GMDS: variants seen among roughly 807,000 people sequenced by gnomAD.
The protein encoded by GMDS is GDP-mannose 4,6-dehydratase.
A neutral mutation model predicts 49.9 loss-of-function variants in GMDS; 20 were observed. That is an observed-to-expected ratio of 0.40 (90% confidence interval 0.28 to 0.58). The LOEUF is 0.58. Ranked by LOEUF, GMDS falls within the 20% of genes least tolerant of loss-of-function variation. The pLI is 0.42. For synonymous variants in GMDS, 177 were observed against 178.6 expected (o/e 0.99, Z 0.07); for missense variants, 362 against 481.4 (o/e 0.75, Z 2.32).
chr6:1,844,813 TA>T, intron 7 of GMDS, among the ~76,000 whole-genome samples: 1 of 152,352 alleles, frequency 6.6e-6, no homozygotes, highest in East Asian at 1.9e-4. Context: ...TATACTTTTA[TA>T]AATAGGTTAG....
intron 6 of GMDS, chr6:1,959,591 T>A (rs192249034): frequency 8.5e-6 from 2 of 235,928 alleles, no homozygotes; most frequent in East Asian, 1.7e-4. Context: ...AATACTCAGG[T>A]TGAAAACAAG....
At chr6:2,048,710 T>C (rs1770178350) in intron 4 of GMDS, among the ~76,000 whole-genome samples, 1 of 152,226 alleles carries the variant, frequency 6.6e-6, no homozygotes, top group African/African-American at 2.4e-5. Context: ...CTCTCAATAA[T>C]GTTTTTCTTC....
chr6:1,624,595 C>G lies in GMDS; in HGVS notation c.988-55G>C, dbSNP rs1581381805. ...GCGTGGGTCGTGGGGGTGGGGGCAGCAGGTCCCGAGCCCCGGGAACTCCCA... is the reference window on the plus strand; with the variant it reads ...GCGTGGGTCGTGGGGGTGGGGGCAGGAGGTCCCGAGCCCCGGGAACTCCCA... On this transcript the variant is annotated intron_variant, in intron 9 of 10. Coordinates refer to ENST00000380815, the MANE Select transcript of GMDS (RefSeq NM_001500.4). 3.9e-6 allele frequency: 5 copies of G among 1,271,106 alleles called. No individual in the cohort carries two copies. The African/African-American group carries it at 5.9e-5, about 15-fold the overall frequency. The allele number at this position is 1,271,106 out of a possible 1,614,324, so 78.7% of individuals were successfully genotyped here.
chr6:1,670,370 G>T (rs12193833), intron 9 of GMDS, among the ~76,000 whole-genome samples: 28,780 of 143,248 alleles, frequency 0.2, 3,134 homozygotes, highest in East Asian at 0.5. Context: ...GTTTTTTTTG[G>T]TTTTTTTTTT....
At chr6:1,665,972 A>T (rs1198520940) in intron 9 of GMDS, among the ~76,000 whole-genome samples, 4 of 152,178 alleles carry the variant, frequency 2.6e-5, no homozygotes, top group Non-Finnish European at 4.4e-5. Context: ...TGGAGACCGT[A>T]TTTTTAATTT....
At position 1,643,830 on chromosome 6, in the gene GMDS, T is replaced by A. The variant is rs1454939831; in HGVS notation, c.988-19290A>T. Reference sequence around the variant, plus strand: ...ATACCTCAATAAAATTGTTTAAAAATTAAAAAAAGTTGAAAGTCTCTTCCC... The same window carrying A: ...ATACCTCAATAAAATTGTTTAAAAAATAAAAAAAGTTGAAAGTCTCTTCCC... On this transcript the variant is annotated intron_variant, in intron 9 of 10. Coordinates refer to ENST00000380815, the MANE Select transcript of GMDS (RefSeq NM_001500.4). 2.6e-5 allele frequency among the ~76,000 whole-genome samples: 4 copies of A among 151,954 alleles called. No homozygotes were observed. In the East Asian group the frequency reaches 7.7e-4, roughly 29 times the overall value.
At chr6:1,748,347 C>T (rs1767595909) in intron 7 of GMDS, among the ~76,000 whole-genome samples, 1 of 152,126 alleles carries the variant, frequency 6.6e-6, no homozygotes, top group Non-Finnish European at 1.5e-5. Context: ...ATCAATTATG[C>T]ATATATCTCT....
intron 7 of GMDS, among the ~76,000 whole-genome samples, chr6:1,818,913 T>C (rs1036949413): frequency 6.6e-6 from 1 of 152,138 alleles, no homozygotes; most frequent in Admixed American, 6.5e-5. Context: ...CCACTCACCT[T>C]AATTCTAAAG....
chr6:2,039,292 G>A (rs1035214819), intron 4 of GMDS, among the ~76,000 whole-genome samples: 13 of 152,172 alleles, frequency 8.5e-5, no homozygotes, highest in African/African-American at 2.9e-4. Context: ...AGTGAGTGGT[G>A]AGTTGATGTG....
chr6:2,166,177 C>T (rs1445793236), intron 1 of GMDS, among the ~76,000 whole-genome samples: 2 of 152,190 alleles, frequency 1.3e-5, no homozygotes, highest in East Asian at 1.9e-4. Context: ...AGACGGTCCC[C>T]ATGCAGAAAA....
intron 7 of GMDS, among the ~76,000 whole-genome samples, chr6:1,853,328 C>T (rs1472008378): frequency 6.6e-6 from 1 of 151,020 alleles, no homozygotes; most frequent in African/African-American, 2.4e-5. Flanking sequence ...ACCATCCTGG[C>T]TAAAACGGTG....
At chr6:1,676,351 C>T (rs538162285) in intron 9 of GMDS, among the ~76,000 whole-genome samples, 1 of 152,216 alleles carries the variant, frequency 6.6e-6, no homozygotes, top group South Asian at 2.1e-4. Context: ...AAAATGGCCA[C>T]ACTGCCCAAG....
intron 9 of GMDS, among the ~76,000 whole-genome samples, chr6:1,710,584 T>C (rs1043212812): frequency 9.9e-5 from 15 of 151,384 alleles, no homozygotes; most frequent in African/African-American, 3.7e-4. Flanking sequence ...GCAGATACAC[T>C]TTTGAGGTTC....
intron 7 of GMDS, among the ~76,000 whole-genome samples, chr6:1,784,107 T>C (rs1769217182): frequency 6.6e-6 from 1 of 152,074 alleles, no homozygotes; most frequent in Non-Finnish European, 1.5e-5. Flanking sequence ...ATGTTATAGG[T>C]GGGCTATTTA....
chr6:1,657,993 G>T (rs970299705), intron 9 of GMDS, among the ~76,000 whole-genome samples: 1 of 152,250 alleles, frequency 6.6e-6, no homozygotes, highest in Admixed American at 6.5e-5. Context: ...CGTAGCGCCG[G>T]GGTCTGGAGT....
chr6:2,039,596 A>G (rs1561997496), intron 4 of GMDS, among the ~76,000 whole-genome samples: 1 of 151,766 alleles, frequency 6.6e-6, no homozygotes, highest in Non-Finnish European at 1.5e-5. Flanking sequence ...AACTTTTTAG[A>G]TTTTTTGTTA....
chr6:2,062,294 A>G (rs1771229485), intron 4 of GMDS, among the ~76,000 whole-genome samples: 1 of 152,166 alleles, frequency 6.6e-6, no homozygotes, highest in African/African-American at 2.4e-5. Context: ...TCTCCCTTCA[A>G]TAAATAGATC....
intron 7 of GMDS, among the ~76,000 whole-genome samples, chr6:1,773,558 G>A (rs905675479): frequency 2.0e-5 from 3 of 152,218 alleles, no homozygotes; most frequent in African/African-American, 4.8e-5. Context: ...ATCTGAGCAC[G>A]TGTGGTGTGA....
At chr6:2,218,064 G>A (rs1384625557) in intron 1 of GMDS, among the ~76,000 whole-genome samples, 2 of 152,102 alleles carry the variant, frequency 1.3e-5, no homozygotes, top group African/African-American at 2.4e-5. Context: ...CACCTGTGGG[G>A]GTACCCCTAA....
Sources: gnomAD v4.1 joint callset for allele counts (sites outside exome capture counted in the v4.1 genomes callset) on GRCh38, gnomAD v4.1.1 for gene constraint, MANE v1.5 for transcripts, NCBI Gene and HGNC (gene_info 2026-07-23, HGNC 2026-07-21) for gene names.